Variants in DUS1L observed in about 807,000 individuals in gnomAD.
DUS1L encodes dihydrouridine synthase 1 like.
In DUS1L, 56 loss-of-function variants were observed where a neutral mutation model predicts 61.2. The ratio of observed to expected loss-of-function variants is 0.92; its 90% confidence interval spans 0.74 to 1.14. The LOEUF (loss-of-function observed/expected upper bound fraction) is 1.14. Ranked by LOEUF, DUS1L falls within the 50% of genes most tolerant of loss-of-function variation. The probability of loss-of-function intolerance (pLI) is 0.00; values close to 1 mark genes in which losing one functional copy is unlikely to be tolerated. For missense variants in DUS1L, 630 were observed against 632.4 expected (o/e 1.00, Z 0.04); for synonymous variants, 278 against 259.5 (o/e 1.07, Z -0.69).
Position 82,058,142 on chromosome 17 carries a change from G to C in DUS1L, c.1395C>G (p.Ser465=). 3 of 1,590,440 alleles carry C rather than the reference G, an allele frequency of 1.9e-6. No individual in the cohort carries two copies. Among genetic ancestry groups the C allele is most frequent in the Non-Finnish European group, 2.6e-6 (3 of 1,163,982 alleles). ...PAAPGTPGGF[S]EVMGSALA The stretch of plus-strand genomic sequence containing the variant: ...AGGCCAGGGCACTGCCCATGACTTC[G>C]GAGAAGCCACCTGGTGTTCCAGGTG... The change falls in exon 14 of 14, where the codon TCC becomes TCG. Residue 465 remains serine, a synonymous_variant. Transcript: ENST00000306796.
At chr17:82,060,217 G>A (rs2033413746) in intron 10 of DUS1L, 124 bp from the exon 11 acceptor site, 1 of 1,301,606 alleles carries the variant, frequency 7.7e-7, no homozygotes, top group Non-Finnish European at 1.0e-6. Context: ...GCTGTGAGGA[G>A]TGCCCTCCTT....
chr17:82,061,994 G>A lies in DUS1L; in HGVS notation c.511-11C>T, dbSNP rs2033526961. The A allele has an allele frequency of 6.3e-7, 1 of 1,587,240 alleles. No individual in the cohort carries two copies. Among genetic ancestry groups the A allele is most frequent in the Non-Finnish European group, 8.6e-7 (1 of 1,166,082 alleles). ...GTGCACCGTCAGCAACTAGGACAGA[G>A]CAGTGGTCGCTTGACCCCTCCAAGC... On this transcript the variant is annotated splice_polypyrimidine_tract_variant and intron_variant, in intron 5 of 13. Coordinates refer to ENST00000306796, the MANE Select transcript of DUS1L (RefSeq NM_022156.5).
chr17:82,061,884 C>T lies in DUS1L; in HGVS notation c.593+17G>A. 6.3e-7 allele frequency: 1 copy of T among 1,599,232 alleles called. No individual in the cohort carries two copies. The highest frequency in any genetic ancestry group is 1.3e-5 in the African/African-American group (1 of 74,834). On this transcript the variant is annotated intron_variant, in intron 6 of 13. Coordinates refer to ENST00000306796, the MANE Select transcript of DUS1L (RefSeq NM_022156.5). Reference sequence around the variant, plus strand: ...AAGCCCCAAGGACTGAGGGCTGTGTCACCCACACCCACTCACCGCACAGCC... The same window carrying T: ...AAGCCCCAAGGACTGAGGGCTGTGTTACCCACACCCACTCACCGCACAGCC...
Position 82,064,115 on chromosome 17 carries a change from A to G in DUS1L, c.346+11T>C. On this transcript the variant is annotated intron_variant, in intron 3 of 13. Coordinates refer to ENST00000306796, the MANE Select transcript of DUS1L (RefSeq NM_022156.5). ...TGCCCCAGGTGCCCCCATGCTCCAC[A>G]TGGAGCTCACCTCTCTTGGCTATCA... 1 of 1,609,348 alleles carries G rather than the reference A, an allele frequency of 6.2e-7. No homozygotes were observed. The highest frequency in any genetic ancestry group is 8.5e-7 in the Non-Finnish European group (1 of 1,178,284).
intron 4 of DUS1L, 174 bp from the exon 5 acceptor site, chr17:82,063,147 C>A: frequency 1.5e-6 from 1 of 649,460 alleles, no homozygotes; most frequent in Non-Finnish European, 2.7e-6. Context: ...CAGGCTCCCT[C>A]CGCCATACCC....
chr17:82,061,862 C>T, intron 6 of DUS1L, 39 bp downstream of exon 6: 1 of 1,589,294 alleles, frequency 6.3e-7, no homozygotes, highest in Non-Finnish European at 8.6e-7. Flanking sequence ...CCCAGCAAAG[C>T]CCCAAGGACT....
rs569885581 is a variant in DUS1L, at chr17:82,063,043, C to T, written c.398-70G>A. 1.2e-4 allele frequency: 167 copies of T among 1,353,554 alleles called. 1 individual carries two copies. In the Middle Eastern group the frequency reaches 1.4e-3, roughly 12 times the overall value. 83.8% of individuals were successfully genotyped at this position (1,353,554 alleles called of 1,614,324 possible). A position where few individuals can be genotyped will look rare whatever the true frequency, so the allele number is the denominator to read the frequency against. On this transcript the variant is annotated intron_variant, in intron 4 of 13. Transcript: ENST00000306796. Reference sequence around the variant, plus strand: ...ACTTTAGCGGCCAAGCCCCAGAGCCCAGGGCCCTGCAGACAGCGGAGCCCA... The same window carrying T: ...ACTTTAGCGGCCAAGCCCCAGAGCCTAGGGCCCTGCAGACAGCGGAGCCCA...
At chr17:82,060,509 C>T (rs913614653) in intron 10 of DUS1L, 192 bp downstream of exon 10, 4 of 677,012 alleles carry the variant, frequency 5.9e-6, no homozygotes, top group Non-Finnish European at 9.8e-6. Context: ...CCAGCATCCT[C>T]CACCAAGGAC....
rs1442405188 is a variant in DUS1L at position 82,065,770 on chromosome 17, G to A, written c.-168C>T. On this transcript the variant is annotated 5_prime_UTR_variant, in exon 1 of 14. Transcript: ENST00000306796. ...CCGCACCGCGCCGGGGCCGCCGCCG[G>A]GCCGCAGCCGGGCCCAAGGCTCCGC... 1 of 148,110 alleles carries A rather than the reference G, an allele frequency of 6.8e-6. No individual in the cohort carries two copies. The highest frequency in any genetic ancestry group is 1.5e-5 in the Non-Finnish European group (1 of 66,632). 9.2% of individuals were successfully genotyped at this position (148,110 alleles called of 1,614,324 possible).
At position 82,063,532 on chromosome 17, in the gene DUS1L, G is replaced by A. The variant is rs373822259; in HGVS notation, c.347-14C>T. The A allele has an allele frequency of 6.2e-7, 1 of 1,613,276 alleles. No individual in the cohort carries two copies. Among genetic ancestry groups the A allele is most frequent in the Admixed American group, 1.7e-5 (1 of 60,020 alleles). ...CGCCATAGTGACCTGCAAGGAGCAA[G>A]CATGGCCTGGCTGGCACCTGTGTTA... On this transcript the variant is annotated splice_polypyrimidine_tract_variant and intron_variant, in intron 3 of 13. Transcript: ENST00000306796.
chr17:82,060,187 C>A, intron 10 of DUS1L, 94 bp from the exon 11 acceptor site: 1 of 1,479,970 alleles, frequency 6.8e-7, no homozygotes, highest in Admixed American at 2.2e-5. Flanking sequence ...AGGGGCCAGG[C>A]GGCCGTGGCG....
chr17:82,060,116 A>G, intron 10 of DUS1L, 23 bp from the exon 11 acceptor site: 9 of 1,608,156 alleles, frequency 5.6e-6, no homozygotes, highest in Non-Finnish European at 7.6e-6. Flanking sequence ...CAGCGGGCAG[A>G]GCCCAAGGAC....
At chr17:82,061,110 A>G (rs1240504858) in intron 8 of DUS1L, 99 bp downstream of exon 8, 1 of 1,548,360 alleles carries the variant, frequency 6.5e-7, no homozygotes, top group Non-Finnish European at 8.7e-7. Context: ...CTTAGCAGCA[A>G]GTTGTTTTGA....
Position 82,065,653 on chromosome 17 carries a change from C to CCGA in DUS1L, c.-54_-52dup, listed in dbSNP as rs1362802710. 2 of 150,944 alleles carry CCGA rather than the reference C, an allele frequency of 1.3e-5. No homozygotes were observed. Among genetic ancestry groups the CCGA allele is most frequent in the African/African-American group, 4.8e-5 (2 of 41,290 alleles). 9.4% of individuals were successfully genotyped at this position (150,944 alleles called of 1,614,324 possible). A position where few individuals can be genotyped will look rare whatever the true frequency, so the allele number is the denominator to read the frequency against. On this transcript the variant is annotated 5_prime_UTR_variant, in exon 1 of 14. Coordinates refer to ENST00000306796, the MANE Select transcript of DUS1L (RefSeq NM_022156.5). The stretch of plus-strand genomic sequence containing the variant: ...CCGTGTCCGCCGCGCGCCTTTGGCT[C>CCGA]CGAGGGCGCCGGGTGCCGGTGTCCC...
chr17:82,059,628 C>T (rs1269201138), intron 11 of DUS1L: 1 of 364,150 alleles, frequency 2.7e-6, no homozygotes, highest in Non-Finnish European at 5.0e-6. Context: ...CTCAGGTGTC[C>T]TGTGTGAGGC....
intron 3 of DUS1L, among the ~76,000 whole-genome samples, 154 bp from the exon 4 acceptor site, chr17:82,063,672 T>C (rs1037889679): frequency 5.3e-5 from 8 of 152,198 alleles, no homozygotes; most frequent in Non-Finnish European, 8.8e-5. Flanking sequence ...GTGTCTCCAG[T>C]TGGGGCAGTG....
At chr17:82,064,505 T>C (rs2033670501) in intron 2 of DUS1L, among the ~76,000 whole-genome samples, 1 of 151,988 alleles carries the variant, frequency 6.6e-6, no homozygotes, top group Admixed American at 6.5e-5. Flanking sequence ...GAAGAGGGAG[T>C]GTGAGTGTGA....
At chr17:82,060,172 G>C (rs1178745063) in intron 10 of DUS1L, 79 bp from the exon 11 acceptor site, 1 of 1,531,148 alleles carries the variant, frequency 6.5e-7, no homozygotes, top group Non-Finnish European at 8.8e-7. Flanking sequence ...GTCTGAGTCT[G>C]GGTGAGGGGC....
chr17:82,060,951 G>A lies in DUS1L; in HGVS notation c.853C>T (p.His285Tyr). ...FKLWHHTLQV[H>Y]QELREELAKV... is the part of the protein sequence containing the mutation. Reference sequence around the variant, plus strand: ...GCCAGCTCCTCTCGCAGCTCCTGGTGCACCTGCAGCCTGAGACAGAGGCCC... The same window carrying A: ...GCCAGCTCCTCTCGCAGCTCCTGGTACACCTGCAGCCTGAGACAGAGGCCC... Residue 285 changes from histidine to tyrosine, a missense_variant, in exon 9 of 14, where the codon CAC becomes TAC. Transcript: ENST00000306796. 6.2e-7 allele frequency: 1 copy of A among 1,609,662 alleles called. No individual in the cohort carries two copies. Among genetic ancestry groups the A allele is most frequent in the African/African-American group, 1.3e-5 (1 of 75,028 alleles).
Sources: gnomAD v4.1 joint callset for allele counts (sites outside exome capture counted in the v4.1 genomes callset) on GRCh38, gnomAD v4.1.1 for gene constraint, MANE v1.5 for transcripts, NCBI Gene and HGNC (gene_info 2026-07-23, HGNC 2026-07-21) for gene names.